Variants in KCNMB4 observed in about 807,000 individuals in gnomAD.
The protein encoded by KCNMB4 is calcium-activated potassium channel subunit beta-4.
A neutral mutation model predicts 20.7 loss-of-function variants in KCNMB4; 3 were observed. That is an observed-to-expected ratio of 0.14 (90% CI 0.07 to 0.37). KCNMB4 has a LOEUF of 0.37. Among genes scored for constraint, KCNMB4 ranks in the 10% least tolerant of loss-of-function variants. The probability of loss-of-function intolerance (pLI) is 1.00; values close to 1 mark genes in which losing one functional copy is unlikely to be tolerated. For synonymous variants in KCNMB4, 110 were observed against 113.4 expected (o/e 0.97, Z 0.19); for missense variants, 168 against 265.9 (o/e 0.63, Z 2.56).
At chr12:70,382,305 C>T (rs935350452) in intron 1 of KCNMB4, among the ~76,000 whole-genome samples, 1 of 150,856 alleles carries the variant, frequency 6.6e-6, no homozygotes, top group African/African-American at 2.4e-5. Context: ...CAGTGGCGGG[C>T]GCCTGTAGTC....
At chr12:70,405,287 T>A (rs1868568546) in intron 2 of KCNMB4, among the ~76,000 whole-genome samples, 1 of 152,068 alleles carries the variant, frequency 6.6e-6, no homozygotes, top group African/African-American at 2.4e-5. Flanking sequence ...TACAACTCAA[T>A]AGTAAAAGAA....
chr12:70,399,722 T>A (rs1204498066), intron 1 of KCNMB4, among the ~76,000 whole-genome samples: 4 of 152,202 alleles, frequency 2.6e-5, no homozygotes, highest in Non-Finnish European at 4.4e-5. Flanking sequence ...GATTTTGTTG[T>A]CCAAGAGAAT....
chr12:70,402,559 G>A (rs1331390050), intron 2 of KCNMB4, among the ~76,000 whole-genome samples: 3 of 146,838 alleles, frequency 2.0e-5, no homozygotes, highest in African/African-American at 7.7e-5. Flanking sequence ...TGGGAGGATC[G>A]CTTGGGTCCT....
chr12:70,379,890 C>T (rs1193450261), intron 1 of KCNMB4, among the ~76,000 whole-genome samples: 1 of 152,186 alleles, frequency 6.6e-6, no homozygotes, highest in Non-Finnish European at 1.5e-5. Context: ...ATCCTCTATC[C>T]AGACCACTAA....
chr12:70,366,573 C>T lies in KCNMB4; in HGVS notation c.-162C>T. On this transcript the variant is annotated 5_prime_UTR_variant, in exon 1 of 3. Transcript: ENST00000258111. Reference sequence around the variant, plus strand: ...CCGCCGCCGGGGGCGTCGCTGGCCTCGGCCCCTTTGTTCTCGCGCGCTCCC... The same window carrying T: ...CCGCCGCCGGGGGCGTCGCTGGCCTTGGCCCCTTTGTTCTCGCGCGCTCCC... The T allele has an allele frequency of 3.8e-6, 1 of 264,604 alleles. No homozygotes were observed. The highest frequency in any genetic ancestry group is 6.3e-6 in the Non-Finnish European group (1 of 159,708). 16.4% of individuals were successfully genotyped at this position (264,604 alleles called of 1,614,324 possible).
intron 2 of KCNMB4, among the ~76,000 whole-genome samples, chr12:70,427,550 A>C (rs1451251487): frequency 1.3e-5 from 2 of 152,246 alleles, no homozygotes; most frequent in Non-Finnish European, 2.9e-5. Flanking sequence ...TTACAAATTC[A>C]GTATAGCTAA....
chr12:70,380,694 C>G (rs540756773), intron 1 of KCNMB4, among the ~76,000 whole-genome samples: 1 of 150,144 alleles, frequency 6.7e-6, no homozygotes, highest in East Asian at 2.0e-4. Context: ...TGATTTTTGA[C>G]AAGAGTGTCA....
At chr12:70,421,107 T>G (rs1869041726) in intron 2 of KCNMB4, among the ~76,000 whole-genome samples, 1 of 151,526 alleles carries the variant, frequency 6.6e-6, no homozygotes, top group African/African-American at 2.4e-5. Flanking sequence ...TGTATCATAC[T>G]CTTGGGGTTG....
intron 1 of KCNMB4, among the ~76,000 whole-genome samples, chr12:70,387,078 T>C (rs936507161): frequency 6.8e-6 from 1 of 146,144 alleles, no homozygotes; most frequent in African/African-American, 2.5e-5. Context: ...ATTTTTACGT[T>C]GTGTGTCTAT....
At chr12:70,401,148 C>G (rs1231838935) in intron 2 of KCNMB4, among the ~76,000 whole-genome samples, 3 of 152,182 alleles carry the variant, frequency 2.0e-5, no homozygotes, top group Admixed American at 1.3e-4. Context: ...GCCTCAGCCT[C>G]CCGAGTAGCT....
At chr12:70,368,469 T>C (rs898867899) in intron 1 of KCNMB4, among the ~76,000 whole-genome samples, 8 of 152,034 alleles carry the variant, frequency 5.3e-5, no homozygotes, top group Non-Finnish European at 8.8e-5. Context: ...ACTAAGAATA[T>C]AGAATTTGGA....
At position 70,419,808 on chromosome 12, in the gene KCNMB4, TAGGG is replaced by T. The variant is rs138857847; in HGVS notation, c.465-10673_465-10670del. Among the ~76,000 whole-genome samples the T allele has an allele frequency of 9.6e-3, 1,465 of 152,192 alleles. 10 individuals are homozygous for T. The highest frequency in any genetic ancestry group is 0.014 in the Middle Eastern group (4 of 294). On this transcript the variant is annotated intron_variant, in intron 2 of 2. Coordinates refer to ENST00000258111, the MANE Select transcript of KCNMB4 (RefSeq NM_014505.6). ...ATTCTATAAAAAGTAAGGAGGCACTTAGGGAGGATGGATATTAAAATTGCAAAGT... is the reference window on the plus strand; with the variant it reads ...ATTCTATAAAAAGTAAGGAGGCACTTAGGATGGATATTAAAATTGCAAAGT...
chr12:70,402,485 A>AT (rs1488002904), intron 2 of KCNMB4, among the ~76,000 whole-genome samples: 29 of 151,784 alleles, frequency 1.9e-4, no homozygotes, highest in African/African-American at 6.5e-4. Flanking sequence ...TCTACAAAAA[A>AT]TTTTAAAAAT....
intron 1 of KCNMB4, among the ~76,000 whole-genome samples, chr12:70,391,565 G>A (rs1169966619): frequency 5.9e-5 from 9 of 152,104 alleles, no homozygotes; most frequent in African/African-American, 9.7e-5. Context: ...CTTGGCCTCC[G>A]AAGGCTCTAG....
Position 70,366,939 on chromosome 12 carries a change from A to C in KCNMB4, c.205A>C (p.Thr69Pro). Reference protein sequence around the residue: ...VQQIGEVFECTFTCGADCRGT... With the variant: ...VQQIGEVFECPFTCGADCRGT... Reference sequence around the variant, plus strand: ...GCAGATCGGCGAGGTGTTCGAGTGCACCTTCACCTGTGGCGCCGACTGCAG... The same window carrying C: ...GCAGATCGGCGAGGTGTTCGAGTGCCCCTTCACCTGTGGCGCCGACTGCAG... The change falls in exon 1 of 3, where the codon ACC becomes CCC. Residue 69 changes from threonine (T) to proline (P), a missense_variant. Physicochemically the swap from Thr to Pro is conservative, Grantham distance 38 (BLOSUM62 -1). Transcript: ENST00000258111. The C allele has an allele frequency of 6.2e-7, 1 of 1,612,102 alleles. No individual in the cohort carries two copies. Among genetic ancestry groups the C allele is most frequent in the Non-Finnish European group, 8.5e-7 (1 of 1,179,194 alleles).
intron 1 of KCNMB4, among the ~76,000 whole-genome samples, chr12:70,387,590 C>T (rs767096514): frequency 2.0e-4 from 31 of 151,654 alleles, no homozygotes; most frequent in Non-Finnish European, 3.7e-4. Flanking sequence ...TTAGTACAGA[C>T]GGGGTTTTAC....
intron 2 of KCNMB4, among the ~76,000 whole-genome samples, chr12:70,419,694 A>G (rs1868999950): frequency 6.6e-6 from 1 of 152,264 alleles, no homozygotes. Context: ...AGAACTGAGT[A>G]AAGAAGAACC....
At chr12:70,382,365 G>A (rs545413530) in intron 1 of KCNMB4, among the ~76,000 whole-genome samples, 4 of 149,846 alleles carry the variant, frequency 2.7e-5, no homozygotes, top group African/African-American at 7.4e-5. Context: ...CCCGGAAGGC[G>A]GAGCTTGCAG....
intron 1 of KCNMB4, 42 bp from the exon 2 acceptor site, chr12:70,400,167 C>A: frequency 6.9e-7 from 1 of 1,458,020 alleles, no homozygotes; most frequent in Non-Finnish European, 9.2e-7. Context: ...TCTCAATGTT[C>A]CATAAAATAA....
Sources: allele counts gnomAD v4.1 joint callset (sites outside exome capture counted in the v4.1 genomes callset), GRCh38; gene constraint gnomAD v4.1.1; transcripts MANE v1.5; gene names NCBI Gene and HGNC (gene_info 2026-07-23, HGNC 2026-07-21).